The following RALY variants were observed in gnomAD, a reference collection of about 807,000 sequenced individuals.
RALY encodes RNA-binding protein Raly.
In RALY, 15 loss-of-function variants were observed where a neutral mutation model predicts 30.7. The ratio of observed to expected loss-of-function variants is 0.49; its 90% CI spans 0.33 to 0.75. The LOEUF is 0.75. RALY is among the 30% of genes least tolerant of loss of function. RALY has a pLI of 0.02. For synonymous variants in RALY, 177 were observed against 170.8 expected (o/e 1.04, Z -0.28); for missense variants, 339 against 414.3 (o/e 0.82, Z 1.58).
At chr20:34,049,367 G>T (rs1439333400) in intron 2 of RALY, among the ~76,000 whole-genome samples, 1 of 152,060 alleles carries the variant, frequency 6.6e-6, no homozygotes, top group Non-Finnish European at 1.5e-5. Flanking sequence ...ACATCTTTTA[G>T]GTGTGCCATG....
At chr20:34,066,117 T>G (rs936279948) in intron 2 of RALY, among the ~76,000 whole-genome samples, 1 of 150,090 alleles carries the variant, frequency 6.7e-6, no homozygotes, top group African/African-American at 2.5e-5. Context: ...CTAGCTACAC[T>G]CCCCTCACCA....
chr20:34,000,823 G>C (rs2030880683), intron 1 of RALY, among the ~76,000 whole-genome samples: 1 of 152,204 alleles, frequency 6.6e-6, no homozygotes, highest in Non-Finnish European at 1.5e-5. Context: ...ATAGCAGTCA[G>C]TGGGCTTTTG....
intron 8 of RALY, 162 bp downstream of exon 8, chr20:34,077,407 G>C (rs2033923886): frequency 1.4e-6 from 2 of 1,471,128 alleles, no homozygotes. Flanking sequence ...AGAATGAGCA[G>C]GGGGCACTTG....
At chr20:34,011,840 C>T (rs533286670) in intron 1 of RALY, among the ~76,000 whole-genome samples, 1 of 152,154 alleles carries the variant, frequency 6.6e-6, no homozygotes, top group African/African-American at 2.4e-5. Context: ...CCAAGGCAGG[C>T]AGATCGCTTG....
rs1173025698 is a variant in RALY at position 34,072,386 on chromosome 20, A to G, written c.256+56A>G. On this transcript the variant is annotated intron_variant, in intron 3 of 9. Transcript: ENST00000246194. ...ATTCTCTAGAATAGCTGCTATCACT[A>G]TCCAGTTCTCAACCCCCTTCTCTCT... The G allele has an allele frequency of 5.2e-6, 8 of 1,552,970 alleles. No individual in the cohort carries two copies. The Admixed American group carries it at 1.3e-4, about 25-fold the overall frequency.
rs1197180702 is a variant in RALY, at chr20:34,053,060, C to G, written c.-9-19006C>G. On this transcript the variant is annotated intron_variant, in intron 2 of 9. Coordinates refer to ENST00000246194, the MANE Select transcript of RALY (RefSeq NM_016732.3). ...AAAGAAACTTTTTTTTTTTTTCACT[C>G]TGTTGGCCAGGCTGATCTCGAACTC... Among the ~76,000 whole-genome samples, 4 of 150,846 alleles carry G rather than the reference C, an allele frequency of 2.7e-5. No homozygotes were observed. In the South Asian group the frequency reaches 8.3e-4, roughly 31 times the overall value.
chr20:34,020,016 C>G (rs997979234), intron 1 of RALY, among the ~76,000 whole-genome samples: 2 of 151,892 alleles, frequency 1.3e-5, no homozygotes, highest in Non-Finnish European at 2.9e-5. Flanking sequence ...AGCCGAGATC[C>G]CGCCACTGCA....
chr20:34,035,106 T>C (rs1204675472), intron 2 of RALY, among the ~76,000 whole-genome samples: 2 of 132,612 alleles, frequency 1.5e-5, no homozygotes, highest in Non-Finnish European at 3.1e-5. Context: ...TGAGCTGAGA[T>C]TGCGCCACTC....
chr20:34,017,844 C>T (rs1377191479), intron 1 of RALY: 2 of 152,198 alleles, frequency 1.3e-5, no homozygotes, highest in Admixed American at 6.5e-5. Context: ...AGGGCTTGTG[C>T]TAGTGCTAGG....
rs2033959434 is a variant in RALY, at chr20:34,078,566, T to C, written c.*4+13T>C. The C allele has an allele frequency of 6.4e-7, 1 of 1,552,876 alleles. No individual in the cohort carries two copies. ...TTGCAGTAAGCAGGTACAGGGGTCC[T>C]GTCCTGATGGGCAGAGGGTGGGGAA... On this transcript the variant is annotated intron_variant, in intron 9 of 9. Transcript: ENST00000246194.
intron 5 of RALY, 98 bp from the exon 6 acceptor site, chr20:34,075,776 C>G: frequency 1.5e-6 from 2 of 1,366,290 alleles, no homozygotes; most frequent in Non-Finnish European, 2.0e-6. Context: ...GCAGGCCTCC[C>G]AGCCCCTCAC....
chr20:34,029,849 T>G (rs2032203247), intron 1 of RALY: 1 of 152,378 alleles, frequency 6.6e-6, no homozygotes, highest in African/African-American at 2.4e-5. Context: ...ATCCCTTCAC[T>G]CATGACTTGG....
intron 1 of RALY, among the ~76,000 whole-genome samples, chr20:34,008,088 A>G (rs2031242646): frequency 6.6e-6 from 1 of 151,964 alleles, no homozygotes; most frequent in Non-Finnish European, 1.5e-5. Flanking sequence ...CATGCTATTC[A>G]CTGTTGCCTG....
intron 2 of RALY, among the ~76,000 whole-genome samples, chr20:34,057,023 A>G (rs995634636): frequency 2.0e-5 from 3 of 152,352 alleles, no homozygotes; most frequent in Non-Finnish European, 2.9e-5. Context: ...AAGACCACCA[A>G]TCTAAACTAT....
chr20:33,994,716 C>T (rs1039084175), intron 1 of RALY, among the ~76,000 whole-genome samples: 1 of 151,744 alleles, frequency 6.6e-6, no homozygotes, highest in Admixed American at 6.6e-5. Context: ...GCCTCCTTGG[C>T]GGCCGAGTCT....
intron 1 of RALY, among the ~76,000 whole-genome samples, chr20:34,000,253 G>A (rs1367192329): frequency 1.3e-5 from 2 of 152,158 alleles, no homozygotes; most frequent in East Asian, 3.9e-4. Flanking sequence ...TCACTAGCCT[G>A]AGCATCGTTT....
chr20:34,078,866 C>T (rs1325398245), intron 9 of RALY, among the ~76,000 whole-genome samples: 1 of 152,198 alleles, frequency 6.6e-6, no homozygotes, highest in Non-Finnish European at 1.5e-5. Context: ...TAGAGGAAGA[C>T]ATAAGCCATT....
At position 33,993,952 on chromosome 20, in the gene RALY, G is replaced by C. The variant is rs1329973561; in HGVS notation, c.-272G>C. 1 of 152,018 alleles carries C rather than the reference G, an allele frequency of 6.6e-6. No individual in the cohort carries two copies. Among genetic ancestry groups the C allele is most frequent in the Non-Finnish European group, 1.5e-5 (1 of 67,970 alleles). 9.4% of individuals were successfully genotyped at this position (152,018 alleles called of 1,614,324 possible). ...GCGCGAGCGGCGCCAGCTCGGGGCA[G>C]CGGAACCCAGAGAAGCTGAGGGGGC... is the stretch of plus-strand genomic sequence containing the variant. On this transcript the variant is annotated 5_prime_UTR_variant, in exon 1 of 10. Coordinates refer to ENST00000246194, the MANE Select transcript of RALY (RefSeq NM_016732.3).
At chr20:34,058,320 C>G (rs556592152) in intron 2 of RALY, among the ~76,000 whole-genome samples, 1 of 152,012 alleles carries the variant, frequency 6.6e-6, no homozygotes, top group African/African-American at 2.4e-5. Context: ...TGGACATAAG[C>G]GTGCATATGT....
Sources: gnomAD v4.1 joint callset for allele counts (sites outside exome capture counted in the v4.1 genomes callset) on GRCh38, gnomAD v4.1.1 for gene constraint, MANE v1.5 for transcripts, NCBI Gene and HGNC (gene_info 2026-07-23, HGNC 2026-07-21) for gene names.